CSMD1: variants seen among roughly 807,000 people sequenced by gnomAD.
CSMD1 encodes CUB and Sushi multiple domains 1, also known as CUB and sushi domain-containing protein 1.
CSMD1 carries 213 observed loss-of-function variants against 417.5 expected under a neutral mutation model. The ratio of observed to expected loss-of-function variants is 0.51; its 90% confidence interval spans 0.46 to 0.57. The LOEUF (loss-of-function observed/expected upper bound fraction) is 0.57. CSMD1 is among the 20% of genes least tolerant of loss of function. The pLI, the probability that CSMD1 is intolerant of heterozygous loss-of-function variation, is 0.00. For missense variants in CSMD1, 6,923 were observed against 4,529.7 expected (o/e 1.53, Z -15.17); for synonymous variants, 2,862 against 1,736.8 (o/e 1.65, Z -16.11).
chr8:4,160,357 A>C (rs1303590479), intron 3 of CSMD1, among the ~76,000 whole-genome samples: 1 of 152,212 alleles, frequency 6.6e-6, no homozygotes, highest in Non-Finnish European at 1.5e-5. Flanking sequence ...TTGTAAAGTA[A>C]TGAAGCCAAC....
intron 2 of CSMD1, among the ~76,000 whole-genome samples, chr8:4,490,622 A>G (rs1003810238): frequency 3.9e-5 from 6 of 152,172 alleles, no homozygotes; most frequent in African/African-American, 1.4e-4. Context: ...GACTGAAATC[A>G]GGAGAGGGAA....
intron 1 of CSMD1, among the ~76,000 whole-genome samples, chr8:4,782,854 T>C (rs1797219681): frequency 6.6e-6 from 1 of 152,116 alleles, no homozygotes; most frequent in South Asian, 2.1e-4. Flanking sequence ...AGCTATTTTT[T>C]TCAATAAATG....
chr8:4,435,376 G>C (rs1300880078), intron 2 of CSMD1, among the ~76,000 whole-genome samples: 2 of 152,166 alleles, frequency 1.3e-5, no homozygotes, highest in African/African-American at 4.8e-5. Context: ...AGAAAACTCA[G>C]AGTTCCTGCA....
intron 2 of CSMD1, among the ~76,000 whole-genome samples, chr8:4,457,629 T>C (rs909453651): frequency 6.6e-6 from 1 of 152,244 alleles, no homozygotes; most frequent in East Asian, 1.9e-4. Flanking sequence ...CCAATCATCA[T>C]AAATATTTAT....
At chr8:3,539,995 T>C (rs2037431669) in intron 10 of CSMD1, among the ~76,000 whole-genome samples, 1 of 152,154 alleles carries the variant, frequency 6.6e-6, no homozygotes. Flanking sequence ...CTGCTTATAT[T>C]TGCATCTCCA....
At chr8:3,715,302 A>C (rs1156808195) in intron 6 of CSMD1, among the ~76,000 whole-genome samples, 1 of 152,178 alleles carries the variant, frequency 6.6e-6, no homozygotes, top group Admixed American at 6.5e-5. Flanking sequence ...ATACACTGTA[A>C]ACATCAGTAG....
chr8:4,921,406 G>T (rs1344036640), intron 1 of CSMD1, among the ~76,000 whole-genome samples: 1 of 152,154 alleles, frequency 6.6e-6, no homozygotes, highest in Non-Finnish European at 1.5e-5. Flanking sequence ...CATGTATAAT[G>T]TGAATTAATG....
At chr8:4,098,326 A>G (rs923776082) in intron 3 of CSMD1, among the ~76,000 whole-genome samples, 1 of 152,230 alleles carries the variant, frequency 6.6e-6, no homozygotes, top group Admixed American at 6.5e-5. Context: ...TATCACACTG[A>G]GAATAAATGC....
intron 11 of CSMD1, among the ~76,000 whole-genome samples, chr8:3,485,905 A>G (rs545799565): frequency 2.0e-5 from 3 of 152,278 alleles, no homozygotes; most frequent in African/African-American, 7.2e-5. Flanking sequence ...TTTACTGTAG[A>G]TTTGCAAAAC....
intron 3 of CSMD1, among the ~76,000 whole-genome samples, chr8:4,084,690 G>C (rs949512496): frequency 2.0e-5 from 3 of 152,036 alleles, no homozygotes; most frequent in Non-Finnish European, 2.9e-5. Flanking sequence ...TAGCAATAGA[G>C]GCATCAATTA....
intron 1 of CSMD1, among the ~76,000 whole-genome samples, chr8:4,764,020 G>A (rs1812284772): frequency 6.6e-6 from 1 of 152,134 alleles, no homozygotes. Flanking sequence ...GATCTTACAA[G>A]AAGCAGCTGC....
At chr8:4,438,694 G>A (rs570377363) in intron 2 of CSMD1, among the ~76,000 whole-genome samples, 30 of 152,112 alleles carry the variant, frequency 2.0e-4, no homozygotes, top group Admixed American at 9.2e-4. Context: ...AAACTCTTGC[G>A]GCCTTCATAC....
At chr8:4,739,916 T>C (rs1343276477) in intron 1 of CSMD1, among the ~76,000 whole-genome samples, 1 of 152,160 alleles carries the variant, frequency 6.6e-6, no homozygotes, top group Non-Finnish European at 1.5e-5. Flanking sequence ...CCCTCCCTTC[T>C]TCAGTTGCTC....
At chr8:3,707,932 C>G (rs576937467) in intron 7 of CSMD1, among the ~76,000 whole-genome samples, 11 of 152,218 alleles carry the variant, frequency 7.2e-5, no homozygotes, top group African/African-American at 2.4e-4. Flanking sequence ...AGTCATCAGC[C>G]AGACATGTCT....
At chr8:3,622,484 T>C (rs1047291879) in intron 7 of CSMD1, among the ~76,000 whole-genome samples, 19 of 152,270 alleles carry the variant, frequency 1.2e-4, no homozygotes, top group Admixed American at 3.9e-4. Flanking sequence ...TTAAAAGAAA[T>C]GGCAGAAATT....
At chr8:4,039,494 C>A (rs1451056342) in intron 3 of CSMD1, among the ~76,000 whole-genome samples, 1 of 152,094 alleles carries the variant, frequency 6.6e-6, no homozygotes, top group Non-Finnish European at 1.5e-5. Context: ...TGAATGCGAG[C>A]CAATCTGTAA....
At chr8:3,111,600 G>C (rs778492106) in intron 42 of CSMD1, among the ~76,000 whole-genome samples, 2 of 152,140 alleles carry the variant, frequency 1.3e-5, no homozygotes, top group African/African-American at 4.8e-5. Context: ...GGGAGACTGA[G>C]GTGGGTGGAT....
intron 8 of CSMD1, among the ~76,000 whole-genome samples, chr8:3,592,710 G>A (rs1047984211): frequency 2.6e-5 from 4 of 151,892 alleles, no homozygotes; most frequent in African/African-American, 9.7e-5. Flanking sequence ...GTGTGTGTGT[G>A]AGTATGCACA....
intron 5 of CSMD1, among the ~76,000 whole-genome samples, chr8:3,847,689 T>C (rs1201134542): frequency 1.3e-5 from 2 of 152,092 alleles, no homozygotes; most frequent in Non-Finnish European, 2.9e-5. Context: ...TACTCAGCCA[T>C]GGAAAAACTA....
Sources: allele counts gnomAD v4.1 joint callset (sites outside exome capture counted in the v4.1 genomes callset), GRCh38; gene constraint gnomAD v4.1.1; transcripts MANE v1.5; gene names NCBI Gene and HGNC (gene_info 2026-07-23, HGNC 2026-07-21).